The following TTYH2 variants were observed in gnomAD, a reference collection of about 807,000 sequenced individuals.
TTYH2 encodes protein tweety homolog 2.
In TTYH2, 49 loss-of-function variants were observed where a neutral mutation model predicts 68.3. That is an observed-to-expected ratio of 0.72 (90% CI 0.57 to 0.91). TTYH2 has a LOEUF of 0.91. Ranked by LOEUF, TTYH2 falls within the 40% of genes least tolerant of loss-of-function variation. TTYH2 has a pLI of 0.00. For missense variants in TTYH2, 631 were observed against 700.4 expected (o/e 0.90, Z 1.12); for synonymous variants, 272 against 300.8 (o/e 0.90, Z 0.99).
Position 74,243,960 on chromosome 17 carries a change from G to A in TTYH2, c.732-17G>A, listed in dbSNP as rs376005428. The A allele has an allele frequency of 1.1e-5, 18 of 1,609,382 alleles. No individual in the cohort carries two copies. The highest frequency in any genetic ancestry group is 6.7e-5 in the African/African-American group (5 of 74,872). On this transcript the variant is annotated splice_polypyrimidine_tract_variant and intron_variant, in intron 5 of 13. Transcript: ENST00000269346. ...GGGGACCCCGCCTGCCAACGTTGTC[G>A]CCTGCCTCTCTCCTAGGATGCTGTG...
In TTYH2 at chr17:74,260,302, C is replaced by T; in HGVS notation, c.*93C>T. 1 of 1,368,854 alleles carries T rather than the reference C, an allele frequency of 7.3e-7. No homozygotes were observed. Among genetic ancestry groups the T allele is most frequent in the Non-Finnish European group, 1.0e-6 (1 of 970,646 alleles). The allele number at this position is 1,368,854 out of a possible 1,614,324, so 84.8% of individuals were successfully genotyped here. On this transcript the variant is annotated 3_prime_UTR_variant, in exon 14 of 14. Coordinates refer to ENST00000269346, the MANE Select transcript of TTYH2 (RefSeq NM_032646.6). The stretch of plus-strand genomic sequence containing the variant: ...TTTCTTTAATAGAAACCAAAGGCAT[C>T]TGGAGCCCGAGAGGCCTCCTGCTGT...
intron 6 of TTYH2, among the ~76,000 whole-genome samples, chr17:74,246,766 C>T (rs1247973576): frequency 2.0e-5 from 3 of 152,198 alleles, no homozygotes; most frequent in Non-Finnish European, 4.4e-5. Context: ...ATTGGACTCA[C>T]AGTTCCACAT....
At position 74,261,337 on chromosome 17, in the gene TTYH2, T is replaced by G. The variant is rs2143795389; in HGVS notation, c.*1128T>G. 6.6e-6 allele frequency: 1 copy of G among 152,336 alleles called. No homozygotes were observed. The highest frequency in any genetic ancestry group is 3.4e-3 in the Middle Eastern group (1 of 294). 9.4% of individuals were successfully genotyped at this position (152,336 alleles called of 1,614,324 possible). A position where few individuals can be genotyped will look rare whatever the true frequency, so the allele number is the denominator to read the frequency against. ...GCCAGAGTTCCCTGTTCTAGGGGAC[T>G]AGCCAAATGCCTACATCAGCTGTCC... is the stretch of plus-strand genomic sequence containing the variant. On this transcript the variant is annotated 3_prime_UTR_variant, in exon 14 of 14. Coordinates refer to ENST00000269346, the MANE Select transcript of TTYH2 (RefSeq NM_032646.6).
intron 4 of TTYH2, among the ~76,000 whole-genome samples, chr17:74,240,432 C>A (rs1304074492): frequency 6.7e-6 from 1 of 149,716 alleles, no homozygotes; most frequent in East Asian, 2.0e-4. Flanking sequence ...GAGTGAGACT[C>A]TGTCTCAAAA....
rs747970791 is a variant in TTYH2 at position 74,215,038 on chromosome 17, AC to A, written c.129+1328del. ...GAGCAAGACGGCAGTCGGTGGACCC[AC>A]CCCCCTCCCCCAGAGCCCAGCCTGT... On this transcript the variant is annotated intron_variant, in intron 1 of 13. Transcript: ENST00000269346. The surrounding 1 kb of genome is among the most constrained non-coding windows in gnomAD (Gnocchi z 4.3). 5.2e-4 allele frequency among the ~76,000 whole-genome samples: 79 copies of A among 150,598 alleles called. 2 individuals carry two copies. In the Middle Eastern group the frequency reaches 0.017, roughly 33 times the overall value.
intron 5 of TTYH2, 64 bp from the exon 6 acceptor site, chr17:74,243,913 G>C: frequency 2.0e-6 from 3 of 1,521,544 alleles, no homozygotes. Context: ...GGCAGGGTGG[G>C]TGGGGTGATG....
intron 2 of TTYH2, among the ~76,000 whole-genome samples, chr17:74,223,055 A>ATATT (rs1161444028): frequency 2.7e-5 from 4 of 145,564 alleles, no homozygotes; most frequent in African/African-American, 1.1e-4. Context: ...TGAGATCAAT[A>ATATT]GCTTTTAGTG....
chr17:74,255,007 C>T (rs1171619841), intron 13 of TTYH2, among the ~76,000 whole-genome samples: 1 of 152,222 alleles, frequency 6.6e-6, no homozygotes, highest in Non-Finnish European at 1.5e-5. Context: ...ACCTGAGATA[C>T]AGCCTCAGGG....
At position 74,252,167 on chromosome 17, in the gene TTYH2, G is replaced by A. The variant is rs551615604; in HGVS notation, c.1117-67G>A. 4.7e-5 allele frequency: 75 copies of A among 1,591,498 alleles called. No homozygotes were observed. The African/African-American group carries it at 5.5e-4, about 12-fold the overall frequency. ...GGCTCGGGGGAGAGGGACTTCCAGA[G>A]GAGAGCTCGGCCCGCAGGCTTTGCC... On this transcript the variant is annotated intron_variant, in intron 10 of 13. Transcript: ENST00000269346.
chr17:74,235,442 G>A (rs1297612129), intron 3 of TTYH2, among the ~76,000 whole-genome samples: 2 of 152,234 alleles, frequency 1.3e-5, no homozygotes, highest in African/African-American at 2.4e-5. Context: ...TTCTCCGCTC[G>A]CTGCCAGCAA....
intron 6 of TTYH2, among the ~76,000 whole-genome samples, chr17:74,245,091 C>A (rs9906284): frequency 0.05 from 7,590 of 152,260 alleles, 329 homozygotes; most frequent in East Asian, 0.21. Context: ...CGTCCAGTGA[C>A]TTGGGGGCTG....
At chr17:74,252,455 G>A (rs369706385) in intron 11 of TTYH2, 79 bp downstream of exon 11, 21 of 1,496,046 alleles carry the variant, frequency 1.4e-5, no homozygotes, top group African/African-American at 1.1e-4. Flanking sequence ...TCTGCTCTAC[G>A]ATTTAGCTGA....
intron 4 of TTYH2, among the ~76,000 whole-genome samples, chr17:74,242,303 A>G (rs1004929536): frequency 1.6e-4 from 24 of 152,300 alleles, no homozygotes; most frequent in African/African-American, 5.8e-4. Flanking sequence ...GAGCCCTCTG[A>G]TGGTCAGAAA....
At chr17:74,223,405 C>T (rs768277031) in intron 2 of TTYH2, among the ~76,000 whole-genome samples, 1 of 152,110 alleles carries the variant, frequency 6.6e-6, no homozygotes, top group Non-Finnish European at 1.5e-5. Context: ...GGATTACAGG[C>T]GTGAGGCACT....
rs1355850003 is a variant in TTYH2, at chr17:74,249,398, A to C, written c.929A>C (p.Gln310Pro). Residue 310 changes from glutamine to proline, a missense_variant and splice_region_variant, in exon 8 of 14, where the codon CAG (glutamine) becomes CCG (proline). Coordinates refer to ENST00000269346, the MANE Select transcript of TTYH2 (RefSeq NM_032646.6). ...CSQSGSSPFQ[Q>P]TLTTFQRALT... ...CAGAGTGGAAGCAGCCCCTTCCAGC[A>C]GGTATGGCCCCCCGAGGCCTGCCCT... 6.2e-7 allele frequency: 1 copy of C among 1,613,856 alleles called. No individual in the cohort carries two copies. Among genetic ancestry groups the C allele is most frequent in the South Asian group, 1.1e-5 (1 of 91,078 alleles).
chr17:74,231,998 T>G (rs1044711097), intron 3 of TTYH2, among the ~76,000 whole-genome samples: 1 of 152,194 alleles, frequency 6.6e-6, no homozygotes, highest in Non-Finnish European at 1.5e-5. Context: ...CCCTGAAAAC[T>G]GCCTCTGCCT....
intron 6 of TTYH2, chr17:74,248,683 AGAAG>A: frequency 8.3e-7 from 1 of 1,211,902 alleles, no homozygotes; most frequent in South Asian, 2.4e-5. Flanking sequence ...GGTCTGTCCC[AGAAG>A]AGGCATTCGG....
At chr17:74,218,780 G>T (rs1007016374) in intron 1 of TTYH2, among the ~76,000 whole-genome samples, 1 of 152,168 alleles carries the variant, frequency 6.6e-6, no homozygotes, top group Non-Finnish European at 1.5e-5. Flanking sequence ...GCTGGGTGGG[G>T]ACATTGGTAG....
At position 74,225,455 on chromosome 17, in the gene TTYH2, G is replaced by A. The variant is rs560028773; in HGVS notation, c.302+2798G>A. 2.6e-5 allele frequency among the ~76,000 whole-genome samples: 4 copies of A among 152,216 alleles called. No homozygotes were observed. In the South Asian group the frequency reaches 8.3e-4, roughly 31 times the overall value. On this transcript the variant is annotated intron_variant, in intron 2 of 13. Transcript: ENST00000269346. ...GGAGCCACTGCAGGGGCTCTGCAAA[G>A]AGGTAGCGTGACCCGATAACTCAAG...
Sources: gnomAD v4.1 joint callset for allele counts (sites outside exome capture counted in the v4.1 genomes callset) on GRCh38, gnomAD v4.1.1 for gene constraint, Gnocchi (gnomAD v3.1) non-coding constraint, MANE v1.5 for transcripts, NCBI Gene and HGNC (gene_info 2026-07-23, HGNC 2026-07-21) for gene names.